ZNF529: variants seen among roughly 807,000 people sequenced by gnomAD.
ZNF529 encodes zinc finger protein 529.
A neutral mutation model predicts 10.1 loss-of-function variants in ZNF529; 11 were observed. The observed-to-expected ratio is 1.09, with a 90% CI of 0.69 to 1.81. The LOEUF is 1.81. ZNF529 is among the 40% of genes most tolerant of loss of function. The pLI is 0.00. For missense variants in ZNF529, 624 were observed against 666.8 expected (o/e 0.94, Z 0.71); for synonymous variants, 204 against 215.7 (o/e 0.95, Z 0.47).
chr19:36,566,334 C>T (rs1162110709), intron 2 of ZNF529, among the ~76,000 whole-genome samples: 1 of 152,082 alleles, frequency 6.6e-6, no homozygotes, highest in Non-Finnish European at 1.5e-5. Flanking sequence ...AGAAAACAAT[C>T]AGCTTATATA....
At chr19:36,586,279 C>G (rs1006088914) in intron 2 of ZNF529, among the ~76,000 whole-genome samples, 1 of 152,092 alleles carries the variant, frequency 6.6e-6, no homozygotes, top group Non-Finnish European at 1.5e-5. Context: ...TATGGAGCTA[C>G]AGGGGAAAAG....
At chr19:36,587,680 T>G (rs1175568673) in intron 2 of ZNF529, among the ~76,000 whole-genome samples, 1 of 152,128 alleles carries the variant, frequency 6.6e-6, no homozygotes. Flanking sequence ...TATTCAGTCA[T>G]AAAAAGAAAG....
At chr19:36,578,291 C>CTTTTTTTTTTTTTTT (rs1159725232), upstream of ZNF529, among the ~76,000 whole-genome samples, 2 of 31,794 alleles carry the variant, frequency 6.3e-5, 1 homozygote, top group Non-Finnish European at 1.1e-4. Context: ...GTCTTGATCT[C>CTTTTTTTTTTTTTTT]TTTTTTTTTT....
chr19:36,551,999 G>A (rs2035277782), intron 4 of ZNF529: 1 of 152,152 alleles, frequency 6.6e-6, no homozygotes, highest in Non-Finnish European at 1.5e-5. Context: ...TTGAGAATAT[G>A]AATGAGCATT....
Position 36,549,641 on chromosome 19 carries a change from C to T in ZNF529, c.236-1319G>A, listed in dbSNP as rs192585303. ...TGCTTCTCCACCTACACATATTGTC[C>T]ACCACTATTGCTTATTCCCTCTTAT... On this transcript the variant is annotated intron_variant, in intron 4 of 4. Transcript: ENST00000591340. 2.2e-4 allele frequency among the ~76,000 whole-genome samples: 33 copies of T among 152,178 alleles called. No individual in the cohort carries two copies. In the East Asian group the frequency reaches 5.4e-3, roughly 25 times the overall value.
At position 36,547,008 on chromosome 19, in the gene ZNF529, T is replaced by C. The variant is rs1389138458; in HGVS notation, c.1550A>G (p.His517Arg). Residue 517 changes from histidine (H) to arginine (R), a missense_variant, in exon 5 of 5, where the codon CAT becomes CGT. His to Arg is a conservative substitution (Grantham distance 29). Transcript: ENST00000591340. ...CTGATGTTTGGTAAAGGATGAACTA[T>C]GTCTAAAGGCCTTCCCACATGCCTT... is the stretch of plus-strand genomic sequence containing the variant. ...ECKACGKAFRHSSSFTKHQRI... is the reference protein window; with the variant it reads ...ECKACGKAFRRSSSFTKHQRI... 2.5e-6 allele frequency: 4 copies of C among 1,613,848 alleles called. No homozygotes were observed. The highest frequency in any genetic ancestry group is 1.1e-5 in the South Asian group (1 of 91,076).
chr19:36,578,653 C>T (rs538235935), intron 2 of ZNF529, among the ~76,000 whole-genome samples: 141 of 149,802 alleles, frequency 9.4e-4, no homozygotes, highest in African/African-American at 3.1e-3. Flanking sequence ...CTGTTGCCCA[C>T]GCTGGAGTAC....
At chr19:36,579,574 G>A (rs2036418484) in intron 2 of ZNF529, among the ~76,000 whole-genome samples, 1 of 149,998 alleles carries the variant, frequency 6.7e-6, no homozygotes, top group Non-Finnish European at 1.5e-5. Flanking sequence ...ATATTATATA[G>A]CATATAGCAT....
At chr19:36,579,531 G>C (rs2036417318) in intron 2 of ZNF529, among the ~76,000 whole-genome samples, 1 of 152,222 alleles carries the variant, frequency 6.6e-6, no homozygotes, top group Non-Finnish European at 1.5e-5. Context: ...ATATGGTATA[G>C]CCTATTGCTC....
intron 1 of ZNF529, among the ~76,000 whole-genome samples, chr19:36,593,104 T>G (rs1429833678): frequency 6.6e-6 from 1 of 152,216 alleles, no homozygotes; most frequent in Non-Finnish European, 1.5e-5. Flanking sequence ...AAATGAAACC[T>G]ATAAATACTG....
chr19:36,558,084 G>A (rs947161710), intron 2 of ZNF529, among the ~76,000 whole-genome samples: 1 of 151,948 alleles, frequency 6.6e-6, no homozygotes, highest in Non-Finnish European at 1.5e-5. Context: ...ACATGAACTG[G>A]CAGAAGTATT....
chr19:36,587,126 G>C (rs1010715329), intron 2 of ZNF529, among the ~76,000 whole-genome samples: 1 of 152,060 alleles, frequency 6.6e-6, no homozygotes, highest in African/African-American at 2.4e-5. Context: ...TTAGCCAGGC[G>C]TGGTGGCGAG....
intron 2 of ZNF529, among the ~76,000 whole-genome samples, chr19:36,561,627 T>A (rs1482648145): frequency 6.6e-6 from 1 of 152,094 alleles, no homozygotes; most frequent in Non-Finnish European, 1.5e-5. Flanking sequence ...AGTGGAGTCA[T>A]ACAGGCTGTG....
At chr19:36,600,014 A>G (rs2036898825) in intron 1 of ZNF529, among the ~76,000 whole-genome samples, 1 of 152,066 alleles carries the variant, frequency 6.6e-6, no homozygotes, top group African/African-American at 2.4e-5. Context: ...GATTACAGGC[A>G]TGTGCCACCG....
intron 2 of ZNF529, among the ~76,000 whole-genome samples, chr19:36,568,660 C>T (rs1402708112): frequency 6.6e-6 from 1 of 152,010 alleles, no homozygotes; most frequent in Admixed American, 6.6e-5. Context: ...TTAATAGAGA[C>T]AGGGTTTCAC....
At chr19:36,564,674 G>A (rs2035831760) in intron 2 of ZNF529, among the ~76,000 whole-genome samples, 1 of 152,156 alleles carries the variant, frequency 6.6e-6, no homozygotes, top group African/African-American at 2.4e-5. Context: ...TAGCCACTGT[G>A]GGATGCAGTT....
At chr19:36,576,404 G>A (rs1568608153), upstream of ZNF529, among the ~76,000 whole-genome samples, 1 of 151,750 alleles carries the variant, frequency 6.6e-6, no homozygotes, top group Non-Finnish European at 1.5e-5. Flanking sequence ...CCTTCTAATT[G>A]TAACTACTGT....
intron 1 of ZNF529, among the ~76,000 whole-genome samples, chr19:36,593,148 A>T (rs1051750575): frequency 3.3e-5 from 5 of 152,222 alleles, no homozygotes; most frequent in Non-Finnish European, 7.3e-5. Context: ...AGATGACTCA[A>T]GTATTTACTT....
chr19:36,564,158 G>A (rs920061897), intron 2 of ZNF529, among the ~76,000 whole-genome samples: 7 of 152,064 alleles, frequency 4.6e-5, no homozygotes, highest in African/African-American at 1.7e-4. Context: ...AAAAATCCTA[G>A]AAGAAAACCT....
Sources: gnomAD v4.1 joint callset for allele counts (sites outside exome capture counted in the v4.1 genomes callset) on GRCh38, gnomAD v4.1.1 for gene constraint, MANE v1.5 for transcripts, NCBI Gene and HGNC (gene_info 2026-07-23, HGNC 2026-07-21) for gene names.